The following VGLL4 variants were observed in gnomAD, a reference collection of about 807,000 sequenced individuals.
The protein encoded by VGLL4 is vestigial like family member 4.
Under a neutral mutation model 21.0 loss-of-function variants are expected in VGLL4, and 7 were observed. The ratio of observed to expected loss-of-function variants is 0.33; its 90% confidence interval spans 0.19 to 0.63. The LOEUF is 0.63. Among genes scored for constraint, VGLL4 ranks in the 20% least tolerant of loss-of-function variants. The pLI is 0.78. For missense variants in VGLL4, 394 were observed against 425.7 expected (o/e 0.93, Z 0.66); for synonymous variants, 222 against 173.2 (o/e 1.28, Z -2.21).
intron 2 of VGLL4, among the ~76,000 whole-genome samples, chr3:11,567,163 C>T (rs932801874): frequency 2.6e-5 from 4 of 152,090 alleles, no homozygotes; most frequent in East Asian, 3.9e-4. Context: ...CTTAGTGACC[C>T]GAGGCGTTCC....
At chr3:11,661,497 G>T (rs761854233) in intron 2 of VGLL4, among the ~76,000 whole-genome samples, 1 of 148,596 alleles carries the variant, frequency 6.7e-6, no homozygotes, top group Non-Finnish European at 1.5e-5. Flanking sequence ...TTGAGAGGAA[G>T]TCTTATTCTA....
At chr3:11,690,202 T>TTTTTG (rs2076507635) in intron 2 of VGLL4, among the ~76,000 whole-genome samples, 1 of 152,216 alleles carries the variant, frequency 6.6e-6, no homozygotes, top group African/African-American at 2.4e-5. Context: ...AATTGTTTTG[T>TTTTTG]TTTTGTTTTC....
intron 2 of VGLL4, among the ~76,000 whole-genome samples, chr3:11,651,389 C>G (rs975106592): frequency 2.0e-5 from 3 of 150,516 alleles, no homozygotes; most frequent in Admixed American, 2.0e-4. Flanking sequence ...AAGGTAAAAC[C>G]TAGCATTGAG....
intron 2 of VGLL4, among the ~76,000 whole-genome samples, chr3:11,576,089 C>T (rs143283831): frequency 3.9e-5 from 6 of 152,320 alleles, no homozygotes; most frequent in African/African-American, 1.2e-4. Context: ...GTTTGAGAAA[C>T]AGGTCATGGC....
At chr3:11,579,818 C>A (rs181298344) in intron 2 of VGLL4, among the ~76,000 whole-genome samples, 13 of 152,242 alleles carry the variant, frequency 8.5e-5, no homozygotes, top group Non-Finnish European at 1.6e-4. Context: ...ATTACCACCC[C>A]CGGTGGTCAT....
At position 11,682,838 on chromosome 3, in the gene VGLL4, A is replaced by G. The variant is rs182382798; in HGVS notation, c.64+20133T>C. On this transcript the variant is annotated intron_variant, in intron 2 of 5. Coordinates refer to the VGLL4 transcript ENST00000273038. ...AAAAGGAAGATTGAACAAGAGGACA[A>G]TCAAGGTCCTATCCATTCCTACAGG... Among the ~76,000 whole-genome samples, 415 of 152,282 alleles carry G rather than the reference A, an allele frequency of 2.7e-3. 9 individuals carry two copies. Among genetic ancestry groups the G allele is most frequent in the Non-Finnish European group, 7.5e-4 (51 of 68,022 alleles).
intron 2 of VGLL4, among the ~76,000 whole-genome samples, chr3:11,574,667 G>C (rs910190630): frequency 1.3e-5 from 2 of 152,114 alleles, no homozygotes; most frequent in African/African-American, 2.4e-5. Flanking sequence ...CCAGCACAAA[G>C]AAACGATTAA....
intron 2 of VGLL4, among the ~76,000 whole-genome samples, chr3:11,685,204 T>G (rs1263944057): frequency 3.4e-5 from 5 of 147,296 alleles, no homozygotes; most frequent in Non-Finnish European, 7.4e-5. Context: ...GGTGTTGTTT[T>G]TTTTTTTTTT....
chr3:11,713,568 T>TTATATATATATATATATATATA (rs10690353), intron 1 of VGLL4, among the ~76,000 whole-genome samples: 16 of 140,290 alleles, frequency 1.1e-4, no homozygotes, highest in African/African-American at 3.8e-4. Context: ...TATATATTAT[T>TTATATATATATATATATATATA]TATATATATA....
intron 2 of VGLL4, among the ~76,000 whole-genome samples, chr3:11,660,565 G>A (rs769443502): frequency 3.6e-4 from 54 of 152,066 alleles, no homozygotes; most frequent in Non-Finnish European, 5.0e-4. Flanking sequence ...GTTCTACAAA[G>A]TACACTGTTC....
chr3:11,686,005 C>T lies in VGLL4; in HGVS notation c.64+16966G>A, dbSNP rs1402180732. ...ACAACGAGATACCACCTCACGCTTA[C>T]TAGGATAGCTACTATTTAAAAAACA... is the stretch of plus-strand genomic sequence containing the variant. On this transcript the variant is annotated intron_variant, in intron 2 of 5. Coordinates refer to the VGLL4 transcript ENST00000273038. 4.6e-5 allele frequency among the ~76,000 whole-genome samples: 7 copies of T among 152,256 alleles called. No homozygotes were observed. In the East Asian group the frequency reaches 1.3e-3, roughly 29 times the overall value.
chr3:11,599,226 G>A (rs1252277091), intron 2 of VGLL4, among the ~76,000 whole-genome samples: 2 of 151,872 alleles, frequency 1.3e-5, no homozygotes, highest in African/African-American at 2.4e-5. Flanking sequence ...CTAACCACAC[G>A]CCAATCGCCT....
intron 1 of VGLL4, among the ~76,000 whole-genome samples, chr3:11,637,517 G>A (rs1055181042): frequency 3.3e-5 from 5 of 152,116 alleles, no homozygotes; most frequent in African/African-American, 1.2e-4. Flanking sequence ...CATTAAAGAG[G>A]ACTTTTAAGA....
rs1419957201 is a variant in VGLL4 at position 11,582,468 on chromosome 3, T to C, written c.273-17449A>G. On this transcript the variant is annotated intron_variant, in intron 2 of 4. Coordinates refer to ENST00000430365, the MANE Select transcript of VGLL4 (RefSeq NM_001128219.3). ...TAAGGGGCCTGCTTGCCCCCTGCAC[T>C]GCAATAAAAGTTTCCTATGGGTCCT... The C allele has an allele frequency of 2.5e-6, 3 of 1,199,396 alleles. No individual in the cohort carries two copies. In the African/African-American group the frequency reaches 4.6e-5, roughly 18 times the overall value. 74.3% of individuals were successfully genotyped at this position (1,199,396 alleles called of 1,614,324 possible). A position where few individuals can be genotyped will look rare whatever the true frequency, so the allele number is the denominator to read the frequency against.
At chr3:11,622,303 C>T (rs1234618003) in intron 1 of VGLL4, among the ~76,000 whole-genome samples, 1 of 152,124 alleles carries the variant, frequency 6.6e-6, no homozygotes, top group Non-Finnish European at 1.5e-5. Context: ...TACCCACCAC[C>T]GATAGCTGGG....
chr3:11,682,787 G>A (rs751687094), intron 2 of VGLL4, among the ~76,000 whole-genome samples: 1 of 152,010 alleles, frequency 6.6e-6, no homozygotes, highest in African/African-American at 2.4e-5. Context: ...CAAATGTCAG[G>A]AATCTTGCAA....
rs192235357 is a variant in VGLL4, at chr3:11,706,015, T to C, written c.-13-2968A>G. 1.1e-3 allele frequency among the ~76,000 whole-genome samples: 173 copies of C among 152,330 alleles called. 1 individual carries two copies. Among genetic ancestry groups the C allele is most frequent in the African/African-American group, 4.0e-3 (166 of 41,584 alleles). ...TACAGCATTTAGACTCATAATTCTC[T>C]AAATTAATTTTACCCCATTAAGTTG... On this transcript the variant is annotated intron_variant, in intron 1 of 5. Transcript: ENST00000273038.
chr3:11,716,627 T>C (rs1312418022), intron 1 of VGLL4, among the ~76,000 whole-genome samples: 6 of 152,210 alleles, frequency 3.9e-5, no homozygotes, highest in Non-Finnish European at 5.9e-5. Flanking sequence ...ACACAGAAAG[T>C]ACATTCTACA....
chr3:11,613,548 G>A (rs1019208512), intron 1 of VGLL4, among the ~76,000 whole-genome samples: 5 of 152,096 alleles, frequency 3.3e-5, no homozygotes, highest in African/African-American at 7.2e-5. Context: ...ACGTGGTCCC[G>A]GGTACTGTTC....
Sources: gnomAD v4.1 joint callset for allele counts (sites outside exome capture counted in the v4.1 genomes callset) on GRCh38, gnomAD v4.1.1 for gene constraint, MANE v1.5 for transcripts, NCBI Gene and HGNC (gene_info 2026-07-23, HGNC 2026-07-21) for gene names.